SUFU: variants seen among roughly 807,000 people sequenced by gnomAD.
SUFU encodes the protein SUFU negative regulator of hedgehog signaling, also known as suppressor of fused homolog.
A neutral mutation model predicts 58.9 loss-of-function variants in SUFU; 7 were observed. That is an observed-to-expected ratio of 0.12 (90% CI 0.07 to 0.22). The LOEUF (loss-of-function observed/expected upper bound fraction) is 0.22. SUFU is among the 10% of genes least tolerant of loss of function. The probability of loss-of-function intolerance (pLI) is 1.00; values close to 1 mark genes in which losing one functional copy is unlikely to be tolerated. For synonymous variants in SUFU, 232 were observed against 254.8 expected (o/e 0.91, Z 0.85); for missense variants, 451 against 641.3 (o/e 0.70, Z 3.20).
At chr10:102,622,647 A>G (rs2063749878) in intron 10 of SUFU, among the ~76,000 whole-genome samples, 1 of 151,190 alleles carries the variant, frequency 6.6e-6, no homozygotes, top group African/African-American at 2.4e-5. Context: ...TCTGCTGTTA[A>G]ACAGCAGACA....
At chr10:102,546,693 A>C (rs935723544) in intron 2 of SUFU, among the ~76,000 whole-genome samples, 4 of 152,262 alleles carry the variant, frequency 2.6e-5, no homozygotes, top group African/African-American at 9.6e-5. Flanking sequence ...TGCTTTGAAA[A>C]AGAGAACTTC....
Position 102,631,394 on chromosome 10 carries a change from T to C in SUFU, c.*1239T>C. ...ACCCCCAGTACTGCAGATCTCACAG[T>C]TTGCCTTCCAGAAGCCAGCCTATCT... is the stretch of plus-strand genomic sequence containing the variant. On this transcript the variant is annotated 3_prime_UTR_variant, in exon 12 of 12. Coordinates refer to ENST00000369902, the MANE Select transcript of SUFU (RefSeq NM_016169.4). The C allele has an allele frequency of 4.3e-6, 1 of 233,534 alleles. No homozygotes were observed. Among genetic ancestry groups the C allele is most frequent in the Non-Finnish European group, 8.5e-6 (1 of 118,268 alleles). 14.5% of individuals were successfully genotyped at this position (233,534 alleles called of 1,614,324 possible). A position where few individuals can be genotyped will look rare whatever the true frequency, so the allele number is the denominator to read the frequency against.
intron 3 of SUFU, among the ~76,000 whole-genome samples, chr10:102,557,764 C>T (rs2062996441): frequency 6.6e-6 from 1 of 152,176 alleles, no homozygotes; most frequent in African/African-American, 2.4e-5. Context: ...GTATGTTGAT[C>T]TTGTTCTGCA....
At chr10:102,620,483 G>A (rs2063730501) in intron 10 of SUFU, among the ~76,000 whole-genome samples, 1 of 152,208 alleles carries the variant, frequency 6.6e-6, no homozygotes, top group Non-Finnish European at 1.5e-5. Context: ...TGCAGCACCA[G>A]GTGGAGCACA....
At chr10:102,506,045 A>G (rs1589972233) in intron 1 of SUFU, among the ~76,000 whole-genome samples, 1 of 143,976 alleles carries the variant, frequency 6.9e-6, no homozygotes, top group African/African-American at 2.7e-5. Context: ...ATTTGAAAAA[A>G]AAAAAAAAAA....
chr10:102,617,529 G>A lies in SUFU; in HGVS notation c.1296+101G>A. ...GCTCTTGATGGCACCCCTTCCTGGG[G>A]GGCTGGTCATGAATGCCTCATGGAT... On this transcript the variant is annotated intron_variant, in intron 10 of 11. Coordinates refer to ENST00000369902, the MANE Select transcript of SUFU (RefSeq NM_016169.4). This position sits in a 1 kb window ranked among gnomAD's most constrained non-coding sequence, Gnocchi z 4.4. The A allele has an allele frequency of 6.4e-7, 1 of 1,555,298 alleles. No homozygotes were observed. The highest frequency in any genetic ancestry group is 8.9e-7 in the Non-Finnish European group (1 of 1,129,430).
At chr10:102,508,747 C>T (rs79574073) in intron 1 of SUFU, among the ~76,000 whole-genome samples, 6,592 of 152,194 alleles carry the variant, frequency 0.043, 455 homozygotes, top group African/African-American at 0.15. Flanking sequence ...GAACAATGCC[C>T]ATTGGGGATG....
chr10:102,598,487 T>C (rs773702995), intron 7 of SUFU, among the ~76,000 whole-genome samples: 2 of 152,202 alleles, frequency 1.3e-5, no homozygotes, highest in Non-Finnish European at 2.9e-5. Flanking sequence ...TTTGTTCTAA[T>C]GGCATGCCAA....
chr10:102,569,760 C>T (rs2063141935), intron 3 of SUFU, among the ~76,000 whole-genome samples: 1 of 152,164 alleles, frequency 6.6e-6, no homozygotes, highest in South Asian at 2.1e-4. Context: ...GACCCAACAG[C>T]CCCTTCTGGG....
intron 3 of SUFU, among the ~76,000 whole-genome samples, chr10:102,571,485 C>T (rs570583283): frequency 6.0e-5 from 9 of 149,908 alleles, no homozygotes; most frequent in African/African-American, 2.0e-4. Flanking sequence ...GGCAACATGC[C>T]GAAACCCTGT....
chr10:102,525,259 G>A (rs1361870287), intron 2 of SUFU, among the ~76,000 whole-genome samples: 1 of 151,628 alleles, frequency 6.6e-6, no homozygotes, highest in African/African-American at 2.4e-5. Flanking sequence ...TACAGGGCAC[G>A]CTACCACGCC....
At chr10:102,520,906 C>T (rs936941920) in intron 2 of SUFU, among the ~76,000 whole-genome samples, 10 of 152,080 alleles carry the variant, frequency 6.6e-5, no homozygotes, top group Non-Finnish European at 1.0e-4. Flanking sequence ...TATTTTTTGG[C>T]GATTTTTAAT....
intron 3 of SUFU, among the ~76,000 whole-genome samples, chr10:102,550,742 C>CTTTT (rs34653144): frequency 3.6e-5 from 5 of 139,332 alleles, no homozygotes; most frequent in African/African-American, 5.4e-5. Flanking sequence ...GTTACAGTGA[C>CTTTT]TTTTTTTTTT....
At chr10:102,627,043 C>A in intron 10 of SUFU, 132 bp from the exon 11 acceptor site, 1 of 973,324 alleles carries the variant, frequency 1.0e-6, no homozygotes, top group Non-Finnish European at 1.6e-6. Context: ...AAACACTTCC[C>A]TGTGTCCCTT....
intron 2 of SUFU, among the ~76,000 whole-genome samples, chr10:102,535,359 G>A (rs932742467): frequency 4.6e-5 from 7 of 151,994 alleles, no homozygotes; most frequent in Admixed American, 6.6e-5. Flanking sequence ...GGTGGCACAC[G>A]CCTGTAGTCC....
chr10:102,589,446 T>TTTTTTTTC (rs2063372346), intron 3 of SUFU, among the ~76,000 whole-genome samples: 2 of 113,608 alleles, frequency 1.8e-5, no homozygotes, highest in Non-Finnish European at 3.7e-5. Flanking sequence ...TTCTTTCTTT[T>TTTTTTTTC]TTTTTTTTTT....
intron 2 of SUFU, among the ~76,000 whole-genome samples, chr10:102,535,970 G>GATA (rs60151296): frequency 6.7e-5 from 10 of 150,072 alleles, no homozygotes; most frequent in African/African-American, 2.2e-4. Context: ...TGATGATGAT[G>GATA]TTGTTGATGA....
chr10:102,573,375 C>T (rs1221226863), intron 3 of SUFU: 2 of 396,582 alleles, frequency 5.0e-6, no homozygotes, highest in Non-Finnish European at 9.5e-6. Flanking sequence ...CACCCTTGTA[C>T]ACTGTTGATA....
At chr10:102,507,695 G>A (rs2062345440) in intron 1 of SUFU, among the ~76,000 whole-genome samples, 1 of 152,246 alleles carries the variant, frequency 6.6e-6, no homozygotes. Flanking sequence ...GTTTTAAATA[G>A]TGTTTAAATT....
Sources: allele counts gnomAD v4.1 joint callset (sites outside exome capture counted in the v4.1 genomes callset), GRCh38; gene constraint gnomAD v4.1.1; non-coding constraint Gnocchi (gnomAD v3.1); transcripts MANE v1.5; gene names NCBI Gene and HGNC (gene_info 2026-07-23, HGNC 2026-07-21).